Variants in CSMD1 observed in about 807,000 individuals in gnomAD.
The protein encoded by CSMD1 is CUB and sushi domain-containing protein 1.
CSMD1 carries 213 observed loss-of-function variants against 417.5 expected under a neutral mutation model. The observed-to-expected ratio is 0.51, with a 90% CI of 0.46 to 0.57. CSMD1 has a LOEUF of 0.57. CSMD1 is among the 20% of genes least tolerant of loss of function. The pLI is 0.00. For synonymous variants in CSMD1, 2,862 were observed against 1,736.8 expected (o/e 1.65, Z -16.11); for missense variants, 6,923 against 4,529.7 (o/e 1.53, Z -15.17).
chr8:3,463,069 T>C (rs1816608908), intron 12 of CSMD1, among the ~76,000 whole-genome samples: 1 of 152,220 alleles, frequency 6.6e-6, no homozygotes, highest in Admixed American at 6.5e-5. Flanking sequence ...TGCCACTGCC[T>C]TGATCGTGGA....
intron 3 of CSMD1, among the ~76,000 whole-genome samples, chr8:4,415,147 A>G (rs1268763333): frequency 6.6e-5 from 10 of 152,104 alleles, no homozygotes; most frequent in South Asian, 2.1e-4. Flanking sequence ...TACCCTTCAG[A>G]TAGGGCAGAA....
At chr8:4,131,956 G>A (rs138109200) in intron 3 of CSMD1, among the ~76,000 whole-genome samples, 15 of 151,898 alleles carry the variant, frequency 9.9e-5, no homozygotes, top group African/African-American at 1.2e-4. Flanking sequence ...AGTAGAGACC[G>A]GCTTTCACCA....
chr8:4,566,353 G>A (rs988785633), intron 2 of CSMD1, among the ~76,000 whole-genome samples: 5 of 151,896 alleles, frequency 3.3e-5, no homozygotes, highest in African/African-American at 1.2e-4. Context: ...CATGAAAATG[G>A]TTTATAAGAA....
At chr8:3,525,469 G>A (rs1265661795) in intron 10 of CSMD1, among the ~76,000 whole-genome samples, 1 of 152,128 alleles carries the variant, frequency 6.6e-6, no homozygotes, top group Non-Finnish European at 1.5e-5. Flanking sequence ...CTGACAGCAG[G>A]ACATGAAGAG....
In CSMD1 at chr8:4,807,543, G is replaced by A. The variant is rs77187623; in HGVS notation, c.86-169985C>T. Among the ~76,000 whole-genome samples, 1,312 of 152,218 alleles carry A rather than the reference G, an allele frequency of 8.6e-3. 19 individuals are homozygous for A. Among genetic ancestry groups the A allele is most frequent in the African/African-American group, 0.03 (1,263 of 41,524 alleles). ...AAACCAGAGAGCAGGACACCAGTAC[G>A]TGTTCATTGTTCCGTGGGCCTGAGC... On this transcript the variant is annotated intron_variant, in intron 1 of 69. Transcript: ENST00000635120.
chr8:3,286,748 A>G (rs1408874858), intron 25 of CSMD1, among the ~76,000 whole-genome samples: 46 of 152,058 alleles, frequency 3.0e-4, no homozygotes, highest in Non-Finnish European at 3.8e-4. Context: ...AGTAGATTGC[A>G]AAAATTTTCT....
chr8:4,101,032 G>A (rs1323255516), intron 3 of CSMD1, among the ~76,000 whole-genome samples: 3 of 152,140 alleles, frequency 2.0e-5, no homozygotes, highest in Non-Finnish European at 4.4e-5. Flanking sequence ...GCCTGTGATT[G>A]CAGAATGATG....
At chr8:3,490,495 T>C (rs1258429370) in intron 11 of CSMD1, among the ~76,000 whole-genome samples, 1 of 152,230 alleles carries the variant, frequency 6.6e-6, no homozygotes, top group Non-Finnish European at 1.5e-5. Context: ...AGTGACATCC[T>C]CTCTTAAATT....
At chr8:3,734,919 C>G (rs761610319) in intron 6 of CSMD1, among the ~76,000 whole-genome samples, 6 of 152,162 alleles carry the variant, frequency 3.9e-5, no homozygotes, top group African/African-American at 1.2e-4. Context: ...AGAGACATAA[C>G]TCTTCTTTTA....
At chr8:3,586,735 A>G (rs1055077624) in intron 8 of CSMD1, among the ~76,000 whole-genome samples, 7 of 152,210 alleles carry the variant, frequency 4.6e-5, no homozygotes, top group African/African-American at 1.7e-4. Context: ...AATTATATTT[A>G]AAAGAAAGCT....
At chr8:4,497,330 G>C (rs1057380274) in intron 2 of CSMD1, among the ~76,000 whole-genome samples, 2 of 152,162 alleles carry the variant, frequency 1.3e-5, no homozygotes, top group Admixed American at 1.3e-4. Flanking sequence ...ACTTGACAAA[G>C]TAAATCTATT....
intron 3 of CSMD1, among the ~76,000 whole-genome samples, chr8:4,281,661 C>T (rs996002248): frequency 1.3e-5 from 2 of 152,116 alleles, no homozygotes; most frequent in Non-Finnish European, 2.9e-5. Context: ...ACATATAATT[C>T]TATATAGTAA....
chr8:4,857,929 T>C (rs1801897441), intron 1 of CSMD1, among the ~76,000 whole-genome samples: 1 of 151,748 alleles, frequency 6.6e-6, no homozygotes, highest in Admixed American at 6.6e-5. Context: ...CCAGCATCAT[T>C]CTGATACCAA....
chr8:3,354,916 T>TC (rs1491331556), intron 21 of CSMD1, among the ~76,000 whole-genome samples: 1 of 149,720 alleles, frequency 6.7e-6, no homozygotes, highest in South Asian at 2.1e-4. Context: ...TCTATAGATA[T>TC]GTCTATCTAT....
In CSMD1 at chr8:4,597,369, T is replaced by C. The variant is rs936864088; in HGVS notation, c.302+39973A>G. On this transcript the variant is annotated intron_variant, in intron 2 of 69. Coordinates refer to ENST00000635120, the MANE Select transcript of CSMD1 (RefSeq NM_033225.6). Reference sequence around the variant, plus strand: ...GCACTCTCATTTCACAGACCTAAAGTAGTGTGAGGTATGTTGACCTGACCA... The same window carrying C: ...GCACTCTCATTTCACAGACCTAAAGCAGTGTGAGGTATGTTGACCTGACCA... Among the ~76,000 whole-genome samples the C allele has an allele frequency of 2.6e-5, 4 of 152,102 alleles. No homozygotes were observed. In the East Asian group the frequency reaches 7.7e-4, roughly 29 times the overall value.
intron 4 of CSMD1, among the ~76,000 whole-genome samples, chr8:4,007,089 C>G (rs552989132): frequency 1.3e-5 from 2 of 152,066 alleles, no homozygotes; most frequent in Non-Finnish European, 2.9e-5. Context: ...CCAGCCACCT[C>G]GGCCTCCCAA....
chr8:3,927,010 G>A (rs942734219), intron 5 of CSMD1, among the ~76,000 whole-genome samples: 8 of 151,634 alleles, frequency 5.3e-5, no homozygotes, highest in South Asian at 2.1e-4. Flanking sequence ...CACCGTGCCC[G>A]GCCAAATTGG....
chr8:4,707,788 G>A (rs1019383539), intron 1 of CSMD1, among the ~76,000 whole-genome samples: 10 of 151,176 alleles, frequency 6.6e-5, no homozygotes, highest in South Asian at 2.1e-4. Context: ...TCGGGAGGCT[G>A]AAGCAGAAGA....
chr8:3,953,317 T>C (rs976136223), intron 5 of CSMD1, among the ~76,000 whole-genome samples: 17 of 152,174 alleles, frequency 1.1e-4, no homozygotes, highest in African/African-American at 3.9e-4. Context: ...TAAAAGATTA[T>C]TTAGCATATA....
Sources: allele counts gnomAD v4.1 joint callset (sites outside exome capture counted in the v4.1 genomes callset), GRCh38; gene constraint gnomAD v4.1.1; transcripts MANE v1.5; gene names NCBI Gene and HGNC (gene_info 2026-07-23, HGNC 2026-07-21).